The following RCOR3 variants were observed in gnomAD, a reference collection of about 807,000 sequenced individuals.
The protein encoded by RCOR3 is REST corepressor 3.
RCOR3 carries 13 observed loss-of-function variants against 64.1 expected under a neutral mutation model. That is an observed-to-expected ratio of 0.20 (90% CI 0.13 to 0.32). The LOEUF is 0.32. Ranked by LOEUF, RCOR3 falls within the 10% of genes least tolerant of loss-of-function variation. RCOR3 has a pLI of 1.00. For synonymous variants in RCOR3, 215 were observed against 239.0 expected, an observed-to-expected ratio of 0.90 and a Z score of 0.93; for missense variants, 489 against 701.2, an observed-to-expected ratio of 0.70 and a Z score of 3.42.
intron 3 of RCOR3, among the ~76,000 whole-genome samples, chr1:211,273,981 T>A (rs141316544): frequency 1.3e-5 from 2 of 152,262 alleles, no homozygotes; most frequent in African/African-American, 4.8e-5. Flanking sequence ...TTAGTAAGTA[T>A]AATGTGTAGT....
intron 10 of RCOR3, among the ~76,000 whole-genome samples, chr1:211,310,466 C>G (rs2102675847): frequency 6.6e-6 from 1 of 152,252 alleles, no homozygotes; most frequent in South Asian, 2.1e-4. Flanking sequence ...TTTAGACTGG[C>G]ATACATGAGT....
At chr1:211,288,567 TTTTATTATATTTATTTTATTTATTATA>T (rs1698854843) in intron 7 of RCOR3, among the ~76,000 whole-genome samples, 1 of 147,314 alleles carries the variant, frequency 6.8e-6, no homozygotes, top group Non-Finnish European at 1.5e-5. Flanking sequence ...TTTATTTATA[TTTTATTATATTTATTTTATTTATTATA>T]TTTATTATTT....
At chr1:211,269,833 G>T (rs895312283) in intron 2 of RCOR3, among the ~76,000 whole-genome samples, 3 of 151,588 alleles carry the variant, frequency 2.0e-5, no homozygotes, top group Non-Finnish European at 2.9e-5. Flanking sequence ...TAAAATATTA[G>T]AAATAAATTA....
chr1:211,301,566 T>G (rs1700382523), intron 9 of RCOR3: 1 of 152,210 alleles, frequency 6.6e-6, no homozygotes, highest in African/African-American at 2.4e-5. Flanking sequence ...GGCTATCACT[T>G]CTTACTGACA....
intron 2 of RCOR3, among the ~76,000 whole-genome samples, chr1:211,266,522 T>C (rs1344966257): frequency 1.3e-5 from 2 of 152,238 alleles, no homozygotes; most frequent in Non-Finnish European, 2.9e-5. Context: ...TTTTCAGAAC[T>C]GATAACGCTA....
intron 9 of RCOR3, among the ~76,000 whole-genome samples, chr1:211,296,513 G>A (rs978810561): frequency 6.6e-6 from 1 of 152,078 alleles, no homozygotes; most frequent in African/African-American, 2.4e-5. Flanking sequence ...AAGGGGAAAA[G>A]AACTTGGTTG....
intron 2 of RCOR3, among the ~76,000 whole-genome samples, chr1:211,265,877 C>A (rs771525536): frequency 6.6e-6 from 1 of 152,064 alleles, no homozygotes; most frequent in Admixed American, 6.6e-5. Flanking sequence ...TTTCCTGACA[C>A]CCTGTTTGAA....
At chr1:211,293,534 G>A (rs1336214011) in intron 8 of RCOR3, among the ~76,000 whole-genome samples, 1 of 152,020 alleles carries the variant, frequency 6.6e-6, no homozygotes, top group Non-Finnish European at 1.5e-5. Flanking sequence ...CTTTTCTTTG[G>A]AACACTTTCC....
intron 2 of RCOR3, among the ~76,000 whole-genome samples, chr1:211,267,403 G>A (rs978151911): frequency 1.4e-4 from 21 of 152,138 alleles, no homozygotes; most frequent in African/African-American, 4.6e-4. Context: ...GTAGAGTCCA[G>A]TTCAGAGTTA....
chr1:211,269,701 A>G (rs1382289923), intron 2 of RCOR3, among the ~76,000 whole-genome samples: 1 of 152,222 alleles, frequency 6.6e-6, no homozygotes, highest in Non-Finnish European at 1.5e-5. Context: ...TGATTAAAAT[A>G]ATAGAATCTA....
At chr1:211,268,369 C>CTTTTTTTTTTT (rs756643084) in intron 2 of RCOR3, among the ~76,000 whole-genome samples, 18 of 79,352 alleles carry the variant, frequency 2.3e-4, no homozygotes, top group African/African-American at 6.6e-4. Context: ...TCTTTTCTTT[C>CTTTTTTTTTTT]TTTTTTTTTT....
intron 2 of RCOR3, among the ~76,000 whole-genome samples, chr1:211,261,571 C>CA (rs1694277759): frequency 6.6e-6 from 1 of 152,106 alleles, no homozygotes; most frequent in Non-Finnish European, 1.5e-5. Context: ...ACTTTCACAC[C>CA]ACTCTGCTCC....
At chr1:211,308,698 T>TTTTTTTTTTTTTTTTGTGTGTG (rs1701171863) in intron 10 of RCOR3, among the ~76,000 whole-genome samples, 1 of 40,846 alleles carries the variant, frequency 2.4e-5, no homozygotes, top group African/African-American at 6.9e-5. Context: ...TTTTTTTTTT[T>TTTTTTTTTTTTTTTTGTGTGTG]TGTGTAGTCC....
At chr1:211,263,806 G>T (rs1316598076) in intron 2 of RCOR3, among the ~76,000 whole-genome samples, 2 of 106,994 alleles carry the variant, frequency 1.9e-5, no homozygotes, top group Non-Finnish European at 3.8e-5. Flanking sequence ...TAGATGAAAA[G>T]TTTTTTTTGT....
At chr1:211,298,735 G>A (rs1410429479) in intron 9 of RCOR3, among the ~76,000 whole-genome samples, 2 of 152,154 alleles carry the variant, frequency 1.3e-5, no homozygotes, top group Admixed American at 1.3e-4. Context: ...GGCCAGGCGT[G>A]GTGGCTCATG....
intron 7 of RCOR3, among the ~76,000 whole-genome samples, chr1:211,286,605 C>G (rs1202564809): frequency 6.6e-6 from 1 of 152,036 alleles, no homozygotes. Flanking sequence ...CTGTGCCCAG[C>G]CGGGATGTTT....
At chr1:211,290,370 C>G (rs1699106677) in intron 8 of RCOR3, among the ~76,000 whole-genome samples, 1 of 152,180 alleles carries the variant, frequency 6.6e-6, no homozygotes, top group Non-Finnish European at 1.5e-5. Context: ...GCTGTTATCC[C>G]TTTCCCAACA....
intron 10 of RCOR3, among the ~76,000 whole-genome samples, chr1:211,309,851 C>A (rs771892247): frequency 2.6e-5 from 4 of 152,180 alleles, no homozygotes; most frequent in Non-Finnish European, 5.9e-5. Context: ...AGACGCCTCA[C>A]TGGAGATTCT....
chr1:211,273,641 G>A (rs938310779), intron 3 of RCOR3, among the ~76,000 whole-genome samples: 9 of 152,124 alleles, frequency 5.9e-5, no homozygotes, highest in South Asian at 2.1e-4. Context: ...ATTACGTATG[G>A]AAGATAAATG....
Sources: gnomAD v4.1 joint callset for allele counts (sites outside exome capture counted in the v4.1 genomes callset) on GRCh38, gnomAD v4.1.1 for gene constraint, MANE v1.5 for transcripts, NCBI Gene and HGNC (gene_info 2026-07-23, HGNC 2026-07-21) for gene names.